PLEKHG1: variants seen among roughly 807,000 people sequenced by gnomAD.
PLEKHG1 encodes the protein pleckstrin homology domain-containing family G member 1.
PLEKHG1 carries 44 observed loss-of-function variants against 100.8 expected under a neutral mutation model. The observed-to-expected ratio is 0.44, with a 90% CI of 0.34 to 0.56. The LOEUF (loss-of-function observed/expected upper bound fraction) is 0.56. PLEKHG1 is among the 20% of genes least tolerant of loss of function. PLEKHG1 has a pLI of 0.01. For missense variants in PLEKHG1, 1,545 were observed against 1,720.9 expected, an observed-to-expected ratio of 0.90 and a Z score of 1.81; for synonymous variants, 640 against 662.5, an observed-to-expected ratio of 0.97 and a Z score of 0.52.
chr6:150,817,158 T>C (rs1025816942), intron 10 of PLEKHG1, among the ~76,000 whole-genome samples: 1 of 152,226 alleles, frequency 6.6e-6, no homozygotes, highest in Non-Finnish European at 1.5e-5. Context: ...AACTCACCAG[T>C]TGAGCTGATC....
chr6:150,699,165 G>A (rs1328479192), intron 3 of PLEKHG1, among the ~76,000 whole-genome samples: 1 of 152,214 alleles, frequency 6.6e-6, no homozygotes, highest in Non-Finnish European at 1.5e-5. Flanking sequence ...GGGGGAAACT[G>A]AGTAAAGGGT....
At chr6:150,751,876 G>GTTTGC (rs1232097795) in intron 2 of PLEKHG1, among the ~76,000 whole-genome samples, 1 of 152,186 alleles carries the variant, frequency 6.6e-6, no homozygotes, top group Non-Finnish European at 1.5e-5. Context: ...TTTGTATAAT[G>GTTTGC]TTTGCTGTAG....
chr6:150,808,778 T>C (rs1254533839), intron 7 of PLEKHG1, among the ~76,000 whole-genome samples: 1 of 151,416 alleles, frequency 6.6e-6, no homozygotes, highest in African/African-American at 2.4e-5. Context: ...ACAAAGAAAA[T>C]CAAGGGAAAG....
At chr6:150,605,953 C>G (rs1349120768) in intron 1 of PLEKHG1, 1 of 152,154 alleles carries the variant, frequency 6.6e-6, no homozygotes, top group East Asian at 1.9e-4. Context: ...ATGAGTGTTA[C>G]TCTTTGATTG....
At chr6:150,619,496 T>C (rs1205390037) in intron 1 of PLEKHG1, among the ~76,000 whole-genome samples, 3 of 152,226 alleles carry the variant, frequency 2.0e-5, no homozygotes, top group Non-Finnish European at 4.4e-5. Flanking sequence ...CTCATACAAC[T>C]GGTCATAGAT....
chr6:150,729,051 G>A (rs7746232), intron 1 of PLEKHG1, among the ~76,000 whole-genome samples: 26,091 of 152,014 alleles, frequency 0.17, 3,362 homozygotes, highest in African/African-American at 0.36. Flanking sequence ...CTGAAATCTG[G>A]TGTGTATCTT....
At chr6:150,656,862 G>C (rs1778990739) in intron 3 of PLEKHG1, among the ~76,000 whole-genome samples, 1 of 152,090 alleles carries the variant, frequency 6.6e-6, no homozygotes, top group Admixed American at 6.6e-5. Context: ...CCATTTGGAG[G>C]ACAAAGTTCT....
At chr6:150,836,009 C>T (rs1777202986) in intron 15 of PLEKHG1, among the ~76,000 whole-genome samples, 1 of 152,168 alleles carries the variant, frequency 6.6e-6, no homozygotes, top group Non-Finnish European at 1.5e-5. Flanking sequence ...TGCTTATGAC[C>T]TGATTTCCAG....
At chr6:150,775,832 G>A (rs891435472) in intron 3 of PLEKHG1, among the ~76,000 whole-genome samples, 2 of 152,100 alleles carry the variant, frequency 1.3e-5, no homozygotes, top group African/African-American at 4.8e-5. Context: ...CTGCACAATG[G>A]TAGAGATATT....
chr6:150,642,265 G>A (rs1023969817), intron 2 of PLEKHG1, among the ~76,000 whole-genome samples: 7 of 152,108 alleles, frequency 4.6e-5, no homozygotes, highest in Non-Finnish European at 1.0e-4. Context: ...AACACATTCT[G>A]AATTGCTTGA....
intron 3 of PLEKHG1, among the ~76,000 whole-genome samples, chr6:150,704,561 G>A (rs575365277): frequency 1.3e-4 from 20 of 152,380 alleles, no homozygotes; most frequent in African/African-American, 4.6e-4. Context: ...TGAGCTCTCC[G>A]TGGAGCACTG....
intron 2 of PLEKHG1, among the ~76,000 whole-genome samples, chr6:150,762,596 T>C (rs1784221788): frequency 1.3e-5 from 2 of 152,110 alleles, no homozygotes; most frequent in Non-Finnish European, 2.9e-5. Context: ...TACATTGGAT[T>C]TTCAGTACAT....
chr6:150,673,392 A>G (rs1042848097), intron 3 of PLEKHG1, among the ~76,000 whole-genome samples: 1 of 152,190 alleles, frequency 6.6e-6, no homozygotes, highest in South Asian at 2.1e-4. Context: ...AAGGATCCCC[A>G]GGTGTTTAGC....
intron 6 of PLEKHG1, 114 bp downstream of exon 7, chr6:150,800,983 A>C: frequency 1.2e-6 from 1 of 832,012 alleles, no homozygotes; most frequent in Non-Finnish European, 1.9e-6. Flanking sequence ...CATTTCCCAC[A>C]CTCATATTTC....
chr6:150,811,986 C>G (rs1465955331), intron 10 of PLEKHG1, among the ~76,000 whole-genome samples: 2 of 152,136 alleles, frequency 1.3e-5, no homozygotes, highest in African/African-American at 4.8e-5. Context: ...TGCCGTGGAG[C>G]CACAGCGACA....
At chr6:150,702,857 TC>T in intron 3 of PLEKHG1, among the ~76,000 whole-genome samples, 1 of 152,236 alleles carries the variant, frequency 6.6e-6, no homozygotes, top group East Asian at 1.9e-4. Flanking sequence ...ACCCTGAAGT[TC>T]CCCCACTCTG....
At chr6:150,710,878 C>T (rs1781218850) in intron 3 of PLEKHG1, among the ~76,000 whole-genome samples, 1 of 152,120 alleles carries the variant, frequency 6.6e-6, no homozygotes, top group African/African-American at 2.4e-5. Flanking sequence ...CCAGACCACC[C>T]CAAACTAGGC....
chr6:150,629,575 C>T (rs906687093), intron 1 of PLEKHG1, among the ~76,000 whole-genome samples: 36 of 152,108 alleles, frequency 2.4e-4, no homozygotes, highest in Admixed American at 2.4e-3. Context: ...ATTCTCCTAC[C>T]TCAGTCTCCC....
chr6:150,652,549 C>T (rs1368030751), intron 3 of PLEKHG1, among the ~76,000 whole-genome samples: 2 of 151,762 alleles, frequency 1.3e-5, no homozygotes, highest in Admixed American at 6.6e-5. Context: ...AGTGAAACCC[C>T]GTCGCTATTA....
Sources: gnomAD v4.1 joint callset for allele counts (sites outside exome capture counted in the v4.1 genomes callset) on GRCh38, gnomAD v4.1.1 for gene constraint, MANE v1.5 for transcripts, NCBI Gene and HGNC (gene_info 2026-07-23, HGNC 2026-07-21) for gene names.